The following TRPM6 variants were observed in gnomAD, a reference collection of about 807,000 sequenced individuals.
TRPM6 encodes transient receptor potential cation channel subfamily M member 6.
TRPM6 carries 111 observed loss-of-function variants against 247.6 expected under a neutral mutation model. That is an observed-to-expected ratio of 0.45 (90% confidence interval 0.38 to 0.52). The LOEUF (loss-of-function observed/expected upper bound fraction) is 0.52, where lower values mean the gene tolerates loss of function less well. Ranked by LOEUF, TRPM6 falls within the 20% of genes least tolerant of loss-of-function variation. The pLI, the probability that TRPM6 is intolerant of heterozygous loss-of-function variation, is 0.00. For missense variants in TRPM6, 2,126 were observed against 2,421.5 expected, an observed-to-expected ratio of 0.88 and a Z score of 2.56; for synonymous variants, 892 against 853.8, an observed-to-expected ratio of 1.04 and a Z score of -0.78.
chr9:74,867,440 G>T (rs2118433072), intron 1 of TRPM6, among the ~76,000 whole-genome samples: 1 of 152,228 alleles, frequency 6.6e-6, no homozygotes, highest in East Asian at 1.9e-4. Context: ...TTCCCCAGAT[G>T]GTCTCAGTTC....
intron 36 of TRPM6, among the ~76,000 whole-genome samples, chr9:74,734,639 C>G (rs868844417): frequency 6.6e-6 from 1 of 152,122 alleles, no homozygotes; most frequent in African/African-American, 2.4e-5. Context: ...CCCTAGGAAG[C>G]TGAAAAAATG....
At chr9:74,885,536 A>G (rs534520522) in intron 1 of TRPM6, among the ~76,000 whole-genome samples, 1 of 152,348 alleles carries the variant, frequency 6.6e-6, no homozygotes, top group South Asian at 2.1e-4. Context: ...AGAACGTAAA[A>G]CTTCAATAAA....
chr9:74,797,823 TA>T (rs1400523699), intron 17 of TRPM6, among the ~76,000 whole-genome samples: 4 of 152,192 alleles, frequency 2.6e-5, no homozygotes, highest in African/African-American at 4.8e-5. Context: ...GCTTTAATAA[TA>T]TTTTAAAGCC....
intron 21 of TRPM6, among the ~76,000 whole-genome samples, chr9:74,783,416 G>T (rs1040930401): frequency 7.2e-5 from 11 of 152,090 alleles, no homozygotes; most frequent in Non-Finnish European, 1.3e-4. Context: ...CTTCCATTAG[G>T]CTGGGGCTGT....
chr9:74,864,313 G>A (rs1267005317), intron 1 of TRPM6, among the ~76,000 whole-genome samples: 1 of 152,136 alleles, frequency 6.6e-6, no homozygotes, highest in African/African-American at 2.4e-5. Flanking sequence ...TGGACATCAG[G>A]ATGTACCATC....
At chr9:74,793,971 G>T (rs949901663) in intron 18 of TRPM6, among the ~76,000 whole-genome samples, 1 of 152,030 alleles carries the variant, frequency 6.6e-6, no homozygotes, top group African/African-American at 2.4e-5. Context: ...CATGCAGAAT[G>T]AGCTTTGAAA....
At chr9:74,764,123 C>CAA (rs79224540) in intron 25 of TRPM6, among the ~76,000 whole-genome samples, 10 of 98,326 alleles carry the variant, frequency 1.0e-4, no homozygotes, top group South Asian at 3.2e-4. Flanking sequence ...GACTCCATCT[C>CAA]AAAAAAAAAA....
chr9:74,794,172 A>G (rs1217464204), intron 18 of TRPM6, among the ~76,000 whole-genome samples: 5 of 152,162 alleles, frequency 3.3e-5, no homozygotes, highest in Admixed American at 3.3e-4. Context: ...TAGGAAACAC[A>G]TGTAATTTTT....
At chr9:74,741,359 T>C (rs2118744467) in intron 33 of TRPM6, among the ~76,000 whole-genome samples, 1 of 152,136 alleles carries the variant, frequency 6.6e-6, no homozygotes, top group South Asian at 2.1e-4. Context: ...ATGAACACGG[T>C]ACTGGTTTAC....
intron 14 of TRPM6, among the ~76,000 whole-genome samples, chr9:74,806,532 T>C (rs920875341): frequency 6.6e-6 from 1 of 152,206 alleles, no homozygotes; most frequent in Non-Finnish European, 1.5e-5. Context: ...CCCAAATTAT[T>C]ATTACTATTG....
intron 1 of TRPM6, among the ~76,000 whole-genome samples, chr9:74,873,408 C>T (rs1055147943): frequency 8.5e-5 from 13 of 152,188 alleles, no homozygotes; most frequent in Admixed American, 8.5e-4. Context: ...GAAGAAGATA[C>T]TGTATTTCAT....
At chr9:74,825,485 A>ATG (rs1829302347) in intron 7 of TRPM6, among the ~76,000 whole-genome samples, 4 of 137,138 alleles carry the variant, frequency 2.9e-5, no homozygotes, top group Non-Finnish European at 1.6e-5. Context: ...GTGTGTGTGT[A>ATG]TGTGTGTGTG....
At chr9:74,815,903 AAATG>A (rs1828906744) in intron 11 of TRPM6, among the ~76,000 whole-genome samples, 1 of 152,216 alleles carries the variant, frequency 6.6e-6, no homozygotes, top group African/African-American at 2.4e-5. Flanking sequence ...TAATCTTTTA[AAATG>A]AATGTTAATA....
intron 5 of TRPM6, among the ~76,000 whole-genome samples, chr9:74,838,814 A>G (rs1436085515): frequency 6.6e-6 from 1 of 152,174 alleles, no homozygotes; most frequent in African/African-American, 2.4e-5. Context: ...GGGAAGATAG[A>G]AAACCACAGG....
chr9:74,822,698 G>A (rs759333501), intron 7 of TRPM6, among the ~76,000 whole-genome samples: 10 of 151,400 alleles, frequency 6.6e-5, no homozygotes, highest in Admixed American at 2.0e-4. Context: ...TGCAGACTAC[G>A]TGACCCAAGC....
At chr9:74,824,297 C>T (rs929856175) in intron 7 of TRPM6, among the ~76,000 whole-genome samples, 4 of 151,306 alleles carry the variant, frequency 2.6e-5, no homozygotes, top group African/African-American at 9.7e-5. Context: ...ATTACAGGTG[C>T]GCGCCATCAT....
Position 74,727,899 on chromosome 9 carries a change from C to G in TRPM6, c.5935+340G>C, listed in dbSNP as rs514209. On this transcript the variant is annotated intron_variant, in intron 38 of 38. Coordinates refer to ENST00000360774, the MANE Select transcript of TRPM6 (RefSeq NM_017662.5). ...CGGTGGCCAACACCCTGTGGCCATC[C>G]GCAGCTGGCAGGACCCAAATGTGGG... Among the ~76,000 whole-genome samples, 99,562 of 151,916 alleles carry G rather than the reference C, an allele frequency of 0.66. 34,091 individuals carry two copies. Among genetic ancestry groups the G allele is most frequent in the African/African-American group, 0.86 (35,703 of 41,452 alleles).
chr9:74,853,831 G>C (rs548615221), intron 3 of TRPM6, among the ~76,000 whole-genome samples: 1 of 151,264 alleles, frequency 6.6e-6, no homozygotes, highest in East Asian at 1.9e-4. Context: ...CCCCCTCTCC[G>C]AGAAACACCC....
At position 74,780,371 on chromosome 9, in the gene TRPM6, T is replaced by G. The variant is rs184227559; in HGVS notation, c.3209+1991A>C. On this transcript the variant is annotated intron_variant, in intron 23 of 38. Coordinates refer to ENST00000360774, the MANE Select transcript of TRPM6 (RefSeq NM_017662.5). ...TGGGAGGCTGAGGTAGGACACCTGC[T>G]TGAACCTGGGAGGCAGAGGTTGCAG... 5.1e-3 allele frequency among the ~76,000 whole-genome samples: 772 copies of G among 152,126 alleles called. 3 individuals carry two copies. Among genetic ancestry groups the G allele is most frequent in the Non-Finnish European group, 8.2e-3 (558 of 68,000 alleles).
Sources: allele counts gnomAD v4.1 joint callset (sites outside exome capture counted in the v4.1 genomes callset), GRCh38; gene constraint gnomAD v4.1.1; transcripts MANE v1.5; gene names NCBI Gene and HGNC (gene_info 2026-07-23, HGNC 2026-07-21).